COMMD5: variants seen among roughly 807,000 people sequenced by gnomAD.
The protein encoded by COMMD5 is COMM domain containing 5.
A neutral mutation model predicts 6.9 loss-of-function variants in COMMD5; 10 were observed. That is an observed-to-expected ratio of 1.44 (90% CI 0.89 to 2.45). COMMD5 has a LOEUF of 2.45. COMMD5 is among the 30% of genes most tolerant of loss of function. The pLI is 0.00. For synonymous variants in COMMD5, 127 were observed against 125.3 expected (o/e 1.01, Z -0.09); for missense variants, 234 against 287.8 (o/e 0.81, Z 1.35).
At chr8:144,844,476 C>G (rs1024246404) in intron 1 of COMMD5, among the ~76,000 whole-genome samples, 2 of 151,408 alleles carry the variant, frequency 1.3e-5, no homozygotes, top group Admixed American at 1.3e-4. Flanking sequence ...TTTGGGAGGT[C>G]GAGGTGGGTG....
At chr8:144,851,448 G>T in intron 1 of COMMD5, 53 bp from the exon 2 acceptor site, 1 of 1,215,684 alleles carries the variant, frequency 8.2e-7, no homozygotes, top group Non-Finnish European at 1.2e-6. Flanking sequence ...CTTTGGGCCA[G>T]CGAGTGAGGG....
chr8:144,852,595 G>C (rs562413272), intron 1 of COMMD5: 1 of 152,434 alleles, frequency 6.6e-6, no homozygotes, highest in Non-Finnish European at 1.5e-5. Flanking sequence ...ACCACCCACT[G>C]CCAACTCCTT....
chr8:144,849,670 G>A (rs941432353), downstream of COMMD5, among the ~76,000 whole-genome samples: 2 of 152,088 alleles, frequency 1.3e-5, no homozygotes, highest in Non-Finnish European at 2.9e-5. Context: ...ACACAGTTAT[G>A]CTGGAAGCTG....
Position 144,841,561 on chromosome 8 carries a change from T to C in COMMD5, c.*299A>G, listed in dbSNP as rs761187299. 2.4e-5 allele frequency: 39 copies of C among 1,614,076 alleles called. No individual in the cohort carries two copies. The highest frequency in any genetic ancestry group is 3.1e-5 in the Non-Finnish European group (37 of 1,180,022). On this transcript the variant is annotated 3_prime_UTR_variant and NMD_transcript_variant, in exon 2 of 2. Transcript: ENST00000530332. ...GACAGGCTTTACCTTCCAAAATAAC[T>C]GTTTGAATGAGGAGACTGTGGTTCC... is the stretch of plus-strand genomic sequence containing the variant.
At chr8:144,845,832 G>T (rs1830480359), downstream of COMMD5, 1 of 742,782 alleles carries the variant, frequency 1.3e-6, no homozygotes, top group Non-Finnish European at 2.2e-6. Context: ...ACTCACACCG[G>T]AACTTCTGTG....
rs773738502 is a variant in COMMD5 at position 144,850,865 on chromosome 8, C to G, written c.474G>C (p.Arg158=). The change falls in exon 2 of 2, where the codon CGG becomes CGC. Residue 158 remains arginine (R), a synonymous_variant. Coordinates refer to ENST00000305103, the MANE Select transcript of COMMD5 (RefSeq NM_014066.4). This position sits in a 1 kb window ranked among gnomAD's most constrained non-coding sequence, Gnocchi z 4.0. The part of the protein sequence containing the change: ...WLPHVADFRW[R]VDVAISTSAL... ...CACTGGTGGAGATTGCTACATCCAC[C>G]CGCCACCGAAAGTCAGCAACATGCG... The G allele has an allele frequency of 2.5e-6, 4 of 1,613,124 alleles. No individual in the cohort carries two copies. Among genetic ancestry groups the G allele is most frequent in the Non-Finnish European group, 3.4e-6 (4 of 1,179,824 alleles).
At chr8:144,838,035 G>A, downstream of COMMD5, 1 of 697,680 alleles carries the variant, frequency 1.4e-6, no homozygotes, top group East Asian at 2.7e-5. Context: ...CTGAAACCGG[G>A]GGGTCAGCAA....
chr8:144,842,551 T>C, intron 1 of COMMD5: 1 of 1,614,148 alleles, frequency 6.2e-7, no homozygotes, highest in Admixed American at 1.7e-5. Context: ...TGTTCAGGGC[T>C]CACACCTTAT....
At chr8:144,839,789 G>A (rs954241674), downstream of COMMD5, among the ~76,000 whole-genome samples, 19 of 152,170 alleles carry the variant, frequency 1.2e-4, no homozygotes, top group African/African-American at 4.1e-4. Flanking sequence ...GATACTGAAA[G>A]ATATTGGCCC....
At chr8:144,849,932 C>T (rs541601740), downstream of COMMD5, among the ~76,000 whole-genome samples, 5 of 152,238 alleles carry the variant, frequency 3.3e-5, no homozygotes, top group Admixed American at 2.0e-4. Context: ...CCCTCCCCAA[C>T]GTCGCCTCCC....
chr8:144,848,893 C>T (rs1454839967), downstream of COMMD5, among the ~76,000 whole-genome samples: 1 of 152,224 alleles, frequency 6.6e-6, no homozygotes, highest in Non-Finnish European at 1.5e-5. Flanking sequence ...CACTCCCCTG[C>T]CTGTGTCTCA....
At chr8:144,838,037 G>T (rs1167036764), downstream of COMMD5, 3 of 697,388 alleles carry the variant, frequency 4.3e-6, no homozygotes, top group Non-Finnish European at 7.8e-6. Context: ...GAAACCGGGG[G>T]GTCAGCAAGC....
At chr8:144,841,768 A>G (rs761331056) in intron 1 of COMMD5, 1 of 1,614,172 alleles carries the variant, frequency 6.2e-7, no homozygotes. Context: ...TAATACACAG[A>G]AAATTAGCAG....
At chr8:144,840,781 C>T (rs1232569864), downstream of COMMD5, among the ~76,000 whole-genome samples, 1 of 152,168 alleles carries the variant, frequency 6.6e-6, no homozygotes, top group Non-Finnish European at 1.5e-5. Context: ...TTGGCAGCAG[C>T]AGCCAGGAGG....
At chr8:144,840,668 T>C (rs1625919), downstream of COMMD5, among the ~76,000 whole-genome samples, 54,840 of 151,802 alleles carry the variant, frequency 0.36, 9,994 homozygotes, top group South Asian at 0.46. Context: ...GAAGGCCTCC[T>C]GGGGGCCTCC....
At chr8:144,847,007 T>A (rs1830549108), downstream of COMMD5, 1 of 151,818 alleles carries the variant, frequency 6.6e-6, no homozygotes, top group Non-Finnish European at 1.5e-5. Context: ...TGAGGAGGAG[T>A]CCTCTTCTAG....
Position 144,851,116 on chromosome 8 carries a change from C to T in COMMD5, c.223G>A (p.Ala75Thr), listed in dbSNP as rs369531136. Residue 75 changes from alanine (A) to threonine (T), a missense_variant, in exon 2 of 2, where the codon GCC becomes ACC. By Grantham distance (58) the Ala-to-Thr change is moderately conservative. Transcript: ENST00000305103. Reference sequence around the variant, plus strand: ...CCCAGCTGCTCCTCCGGCAGGTTGGCGCTGACCCCAAGACGCTGCACAGCC... The same window carrying T: ...CCCAGCTGCTCCTCCGGCAGGTTGGTGCTGACCCCAAGACGCTGCACAGCC... ...REAVQRLGVS[A>T]NLPEEQLGAL... 2.2e-5 allele frequency: 36 copies of T among 1,612,270 alleles called. No homozygotes were observed. The Admixed American group carries it at 3.3e-4, about 15-fold the overall frequency.
downstream of COMMD5, among the ~76,000 whole-genome samples, chr8:144,845,201 G>A (rs2954675): frequency 0.068 from 10,313 of 152,196 alleles, 662 homozygotes; most frequent in African/African-American, 0.16. Flanking sequence ...GAAATCCTGT[G>A]GCCATTCCAC....
Position 144,851,289 on chromosome 8 carries a change from C to G in COMMD5, c.50G>C (p.Ser17Thr), listed in dbSNP as rs75237874. The G allele has an allele frequency of 4.7e-4, 761 of 1,613,956 alleles. 5 individuals carry two copies. In the African/African-American group the frequency reaches 8.8e-3, roughly 19 times the overall value. ...ATPYLHHPGD[S>T]HSGRVSFLGA... Reference sequence around the variant, plus strand: ...CAAGAAACTCACTCGGCCACTGTGACTATCACCAGGATGATGCAGGTATGG... The same window carrying G: ...CAAGAAACTCACTCGGCCACTGTGAGTATCACCAGGATGATGCAGGTATGG... Residue 17 changes from serine (S) to threonine (T), a missense_variant, in exon 2 of 2, where the codon AGT (serine) becomes ACT (threonine). Coordinates refer to ENST00000305103, the MANE Select transcript of COMMD5 (RefSeq NM_014066.4).
Sources: gnomAD v4.1 joint callset for allele counts (sites outside exome capture counted in the v4.1 genomes callset) on GRCh38, gnomAD v4.1.1 for gene constraint, Gnocchi (gnomAD v3.1) non-coding constraint, MANE v1.5 for transcripts, NCBI Gene and HGNC (gene_info 2026-07-23, HGNC 2026-07-21) for gene names.